KLHL38: variants seen among roughly 807,000 people sequenced by gnomAD.
KLHL38 encodes the protein kelch-like protein 38.
Under a neutral mutation model 39.6 loss-of-function variants are expected in KLHL38, and 38 were observed. That is an observed-to-expected ratio of 0.96 (90% CI 0.74 to 1.26). KLHL38 has a LOEUF of 1.26. Among genes scored for constraint, KLHL38 ranks in the 50% most tolerant of loss-of-function variants. KLHL38 has a pLI of 0.00. For missense variants in KLHL38, 803 were observed against 748.1 expected (o/e 1.07, Z -0.86); for synonymous variants, 322 against 302.2 (o/e 1.07, Z -0.68).
At position 123,644,759 on chromosome 8, in the gene KLHL38, C is replaced by T. The variant is rs1260539858; in HGVS notation, c.*980G>A. On this transcript the variant is annotated 3_prime_UTR_variant, in exon 4 of 4. Transcript: ENST00000684634. Reference sequence around the variant, plus strand: ...GGGCTGTCAGTGACAACAGGTAACCCCACCTCTGTCTGTGGGGATGTGGTC... The same window carrying T: ...GGGCTGTCAGTGACAACAGGTAACCTCACCTCTGTCTGTGGGGATGTGGTC... Among the ~76,000 whole-genome samples the T allele has an allele frequency of 1.3e-5, 2 of 152,142 alleles. No homozygotes were observed. Among genetic ancestry groups the T allele is most frequent in the Non-Finnish European group, 2.9e-5 (2 of 68,018 alleles).
intron 2 of KLHL38, 116 bp from the exon 3 acceptor site, chr8:123,647,130 C>T (rs1457323324): frequency 1.5e-6 from 1 of 661,224 alleles, no homozygotes; most frequent in Non-Finnish European, 2.7e-6. Context: ...CTGCTTTTTT[C>T]CAGTTTTAAA....
Position 123,646,981 on chromosome 8 carries a change from T to C in KLHL38, c.1384A>G (p.Met462Val). 6.2e-7 allele frequency: 1 copy of C among 1,613,142 alleles called. No individual in the cohort carries two copies. Among genetic ancestry groups the C allele is most frequent in the East Asian group, 2.2e-5 (1 of 44,876 alleles). Residue 462 changes from methionine (M) to valine (V), a missense_variant, in exon 3 of 4, where the codon ATG becomes GTG. Transcript: ENST00000684634. ...YHISRNSWFK[M>V]ETRMIKNVCA... ...ACGTTCTTGATCATTCTTGTCTCCA[T>C]TTTGAACCACGAGTTTCTGGAAATG...
At position 123,652,266 on chromosome 8, in the gene KLHL38, G is replaced by A; in HGVS notation, c.661C>T (p.Gln221Ter). The change falls in exon 2 of 4, where the codon CAG becomes TAG. Residue 221 changes from glutamine (Q) to a stop codon, truncating the protein, a stop_gained. Coordinates refer to ENST00000684634, the MANE Select transcript of KLHL38 (RefSeq NM_001081675.3). LOFTEE classifies it high-confidence loss of function. ...GGGTGGATGTACTGCAGCCTGACCT[G>A]CTTGAACAGTTCCTGCATGTATCGC... ...RKRYMQELFK[Q>*]VRLQYIHPAF... is the part of the protein sequence containing the mutation. 1 of 1,614,116 alleles carries A rather than the reference G, an allele frequency of 6.2e-7. No individual in the cohort carries two copies. Among genetic ancestry groups the A allele is most frequent in the Non-Finnish European group, 8.5e-7 (1 of 1,180,022 alleles).
chr8:123,651,633 TTTGG>T lies in KLHL38; in HGVS notation c.1290_1293del (p.Asp430GlufsTer36). 1.2e-6 allele frequency: 2 copies of T among 1,612,620 alleles called. No individual in the cohort carries two copies. Among genetic ancestry groups the T allele is most frequent in the Non-Finnish European group, 8.5e-7 (1 of 1,179,534 alleles). On this transcript the variant is annotated frameshift_variant, in exon 2 of 4. Coordinates refer to ENST00000684634, the MANE Select transcript of KLHL38 (RefSeq NM_001081675.3). LOFTEE classifies it high-confidence loss of function. ...TCCTCTCCTCCAAAGAGATAGAGTCTTTGGTCTTTCACAGCGACTGCGGGGTGGA... is the reference window on the plus strand; with the variant it reads ...TCCTCTCCTCCAAAGAGATAGAGTCTTCTTTCACAGCGACTGCGGGGTGGA...
Position 123,644,583 on chromosome 8 carries a change from C to T in KLHL38, c.*1156G>A, listed in dbSNP as rs192870610. Among the ~76,000 whole-genome samples the T allele has an allele frequency of 1.9e-3, 284 of 152,320 alleles. No homozygotes were observed. The highest frequency in any genetic ancestry group is 6.8e-3 in the Middle Eastern group (2 of 294). On this transcript the variant is annotated 3_prime_UTR_variant, in exon 4 of 4. Transcript: ENST00000684634. ...AAACAAGGTCAGGGCCAATTTCTCA[C>T]GCTGCCACCTGGACCAAGCAGTTCC... is the stretch of plus-strand genomic sequence containing the variant.
chr8:123,649,811 C>T (rs751853677), intron 2 of KLHL38, among the ~76,000 whole-genome samples: 1 of 152,132 alleles, frequency 6.6e-6, no homozygotes, highest in Non-Finnish European at 1.5e-5. Flanking sequence ...GATGCCCGCC[C>T]CTAGCCACCC....
chr8:123,651,658 G>C lies in KLHL38; in HGVS notation c.1269C>G (p.His423Gln). The C allele has an allele frequency of 1.2e-6, 2 of 1,614,020 alleles. No homozygotes were observed. Among genetic ancestry groups the C allele is most frequent in the Non-Finnish European group, 1.7e-6 (2 of 1,179,996 alleles). Residue 423 changes from histidine (H) to glutamine (Q), a missense_variant, in exon 2 of 4, where the codon CAC becomes CAG. By Grantham distance (24) the His-to-Gln change is conservative. Transcript: ENST00000684634. ...TTTGGTCTTTCACAGCGACTGCGGG[G>C]TGGAGCACCCCCACGGGCATGCTGG... ...SMASMPVGVL[H>Q]PAVAVKDQRL...
At position 123,651,667 on chromosome 8, in the gene KLHL38, C is replaced by A; in HGVS notation, c.1260G>T (p.Gly420=). The part of the protein sequence containing the change: ...VWESMASMPV[G]VLHPAVAVKD... ...TCACAGCGACTGCGGGGTGGAGCAC[C>A]CCCACGGGCATGCTGGCCATACTCT... Residue 420 remains glycine, a synonymous_variant, in exon 2 of 4, where the codon GGG becomes GGT. Transcript: ENST00000684634. The A allele has an allele frequency of 1.2e-6, 2 of 1,614,118 alleles. No individual in the cohort carries two copies. The highest frequency in any genetic ancestry group is 1.7e-6 in the Non-Finnish European group (2 of 1,180,018).
chr8:123,651,730 G>A lies in KLHL38; in HGVS notation c.1197C>T (p.Gly399=), dbSNP rs1455851392. Reference sequence around the variant, plus strand: ...AGATGCTGTCATACCTTTCCATGGAGCCCATGAGCTCCTGCCCTTCTCCAA... The same window carrying A: ...AGATGCTGTCATACCTTTCCATGGAACCCATGAGCTCCTGCCCTTCTCCAA... ...GGIGEGQELM[G]SMERYDSICN... is the part of the protein sequence containing the mutation. Residue 399 remains glycine (G), a synonymous_variant, in exon 2 of 4, where the codon GGC becomes GGT. Transcript: ENST00000684634. 3 of 1,614,188 alleles carry A rather than the reference G, an allele frequency of 1.9e-6. No homozygotes were observed. The highest frequency in any genetic ancestry group is 2.5e-6 in the Non-Finnish European group (3 of 1,180,042).
chr8:123,648,501 A>G (rs1355445475), intron 2 of KLHL38, among the ~76,000 whole-genome samples: 1 of 152,218 alleles, frequency 6.6e-6, no homozygotes, highest in African/African-American at 2.4e-5. Flanking sequence ...AACTCTCTGG[A>G]AAGTGGGATC....
chr8:123,652,861 C>G lies in KLHL38; in HGVS notation c.66G>C (p.Arg22Ser), dbSNP rs1812681006. The change falls in exon 2 of 4, where the codon AGG (arginine) becomes AGC (serine). Residue 22 changes from arginine to serine, a missense_variant. By Grantham distance (110) the Arg-to-Ser change is moderately radical. Coordinates refer to ENST00000684634, the MANE Select transcript of KLHL38 (RefSeq NM_001081675.3). ...TGCTTTGCCTTAAGCTGTTGAGCTGCCTCAACAAGTCAGAAGAGAAGTCGT... is the reference window on the plus strand; with the variant it reads ...TGCTTTGCCTTAAGCTGTTGAGCTGGCTCAACAAGTCAGAAGAGAAGTCGT... ...KDHDFSSDLL[R>S]QLNSLRQSRI... The G allele has an allele frequency of 6.2e-7, 1 of 1,607,400 alleles. No individual in the cohort carries two copies.
Position 123,652,026 on chromosome 8 carries a change from C to T in KLHL38, c.901G>A (p.Asp301Asn). The T allele has an allele frequency of 6.2e-7, 1 of 1,614,216 alleles. No individual in the cohort carries two copies. Among genetic ancestry groups the T allele is most frequent in the Non-Finnish European group, 8.5e-7 (1 of 1,180,048 alleles). The change falls in exon 2 of 4, where the codon GAC becomes AAC. Residue 301 changes from aspartate (D) to asparagine (N), a missense_variant. Physicochemically the swap from Asp to Asn is conservative, Grantham distance 23. Transcript: ENST00000684634. Reference sequence around the variant, plus strand: ...GTCTGTTTGCTGTACAGTAGGACGTCCCTGGTGGTCTGCTGGCTGTCCTTC... The same window carrying T: ...GTCTGTTTGCTGTACAGTAGGACGTTCCTGGTGGTCTGCTGGCTGTCCTTC... ...GRKDSQQTTR[D>N]VLLYSKQTGQ...
At chr8:123,650,424 T>TTTAGGGCATCCCGCCTGTGCTC (rs1812619932) in intron 2 of KLHL38, among the ~76,000 whole-genome samples, 1 of 152,132 alleles carries the variant, frequency 6.6e-6, no homozygotes. Context: ...TCTAGACTGG[T>TTTAGGGCATCCCGCCTGTGCTC]TTAGGGCATC....
intron 1 of KLHL38, among the ~76,000 whole-genome samples, 134 bp downstream of exon 1, chr8:123,653,452 A>G (rs1182376779): frequency 6.6e-6 from 1 of 152,250 alleles, no homozygotes; most frequent in Non-Finnish European, 1.5e-5. Context: ...TTTGATGCAT[A>G]TATTTAAATA....
At chr8:123,651,191 G>T (rs1208651053) in intron 2 of KLHL38, among the ~76,000 whole-genome samples, 2 of 152,100 alleles carry the variant, frequency 1.3e-5, no homozygotes, top group African/African-American at 2.4e-5. Flanking sequence ...GTGTACATGG[G>T]TGCACATGTG....
chr8:123,653,263 ACAGTC>A lies in KLHL38; in HGVS notation c.-2+318_-2+322del, dbSNP rs140259637. ...TGAAATGTTAGTCTGAAGCAAGATA[ACAGTC>A]CATGGATTTGACCAGCAGAAGTTCA... On this transcript the variant is annotated intron_variant, in intron 1 of 3. Transcript: ENST00000684634. Among the ~76,000 whole-genome samples, 929 of 152,336 alleles carry A rather than the reference ACAGTC, an allele frequency of 6.1e-3. 7 individuals are homozygous for A. The highest frequency in any genetic ancestry group is 0.021 in the African/African-American group (856 of 41,578).
chr8:123,649,309 T>A (rs868450691), intron 2 of KLHL38, among the ~76,000 whole-genome samples: 113 of 152,066 alleles, frequency 7.4e-4, no homozygotes, highest in African/African-American at 2.6e-3. Flanking sequence ...CCACTTCAAG[T>A]AGAGGAGTGG....
At chr8:123,650,922 G>A (rs1362364590) in intron 2 of KLHL38, among the ~76,000 whole-genome samples, 2 of 152,174 alleles carry the variant, frequency 1.3e-5, no homozygotes, top group Non-Finnish European at 2.9e-5. Context: ...ACTGACTTGA[G>A]TTAGAAGCAC....
At chr8:123,647,043 C>G (rs771770008) in intron 2 of KLHL38, 29 bp from the exon 3 acceptor site, 1 of 1,210,576 alleles carries the variant, frequency 8.3e-7, no homozygotes, top group Non-Finnish European at 1.2e-6. Flanking sequence ...CATGGCACTG[C>G]ATTTTAAAGT....
Sources: gnomAD v4.1 joint callset for allele counts (sites outside exome capture counted in the v4.1 genomes callset) on GRCh38, gnomAD v4.1.1 for gene constraint, MANE v1.5 for transcripts, NCBI Gene and HGNC (gene_info 2026-07-23, HGNC 2026-07-21) for gene names.